Variants in ZNF705G observed in about 807,000 individuals in gnomAD.
The protein encoded by ZNF705G is zinc finger protein 705G.
A neutral mutation model predicts 19.6 loss-of-function variants in ZNF705G; 23 were observed. The observed-to-expected ratio is 1.17, with a 90% confidence interval of 0.84 to 1.66. ZNF705G has a LOEUF of 1.66. Among genes scored for constraint, ZNF705G ranks in the 40% most tolerant of loss-of-function variants. ZNF705G has a pLI of 0.00. For synonymous variants in ZNF705G, 146 were observed against 117.7 expected, an observed-to-expected ratio of 1.24 and a Z score of -1.56; for missense variants, 457 against 354.4, an observed-to-expected ratio of 1.29 and a Z score of -2.32.
intron 2 of ZNF705G, among the ~76,000 whole-genome samples, chr8:7,367,977 T>C (rs551822227): frequency 6.7e-6 from 1 of 149,738 alleles, no homozygotes; most frequent in South Asian, 2.1e-4. Flanking sequence ...AGTGAACTTA[T>C]CTACCTTCCA....
intron 2 of ZNF705G, among the ~76,000 whole-genome samples, chr8:7,370,044 A>ATTT (rs61572231): frequency 6.8e-6 from 1 of 146,612 alleles, no homozygotes; most frequent in Non-Finnish European, 1.5e-5. Context: ...TAAAAGTTGA[A>ATTT]TTTTTTTTTA....
At chr8:7,382,247 C>G (rs1445594284) in intron 1 of ZNF705G, among the ~76,000 whole-genome samples, 1 of 149,372 alleles carries the variant, frequency 6.7e-6, no homozygotes, top group African/African-American at 2.6e-5. Context: ...ATTCCTGATT[C>G]AAATGTTCAA....
rs1289595630 is a variant in ZNF705G at position 7,357,756 on chromosome 8, A to C, written c.*220T>G. 3 of 797,976 alleles carry C rather than the reference A, an allele frequency of 3.8e-6. No homozygotes were observed. Among genetic ancestry groups the C allele is most frequent in the Non-Finnish European group, 5.7e-6 (3 of 528,482 alleles). 49.4% of individuals were successfully genotyped at this position (797,976 alleles called of 1,614,324 possible). On this transcript the variant is annotated 3_prime_UTR_variant, in exon 7 of 7. Transcript: ENST00000400156. Reference sequence around the variant, plus strand: ...TTCTTCAAAATGTGAGTCCTTTGGCATGTTTAGATGCTACAACTACAGCTG... The same window carrying C: ...TTCTTCAAAATGTGAGTCCTTTGGCCTGTTTAGATGCTACAACTACAGCTG...
chr8:7,383,137 T>A (rs1177541414), intron 1 of ZNF705G, among the ~76,000 whole-genome samples: 1 of 150,138 alleles, frequency 6.7e-6, no homozygotes, highest in Admixed American at 6.6e-5. Context: ...TTTTTTTTTT[T>A]TTTTTTTTTG....
intron 4 of ZNF705G, 60 bp downstream of exon 4, chr8:7,361,050 C>T (rs569626405): frequency 1.3e-5 from 21 of 1,592,132 alleles, no homozygotes; most frequent in Admixed American, 1.7e-5. Context: ...TGTTTTAACA[C>T]TTATTGAATG....
At chr8:7,364,681 TG>T (rs1267736992) in intron 2 of ZNF705G, among the ~76,000 whole-genome samples, 1 of 149,718 alleles carries the variant, frequency 6.7e-6, no homozygotes, top group Non-Finnish European at 1.5e-5. Context: ...CTATTTTTAC[TG>T]CCACATTTAA....
rs183772362 is a variant in ZNF705G at position 7,385,494 on chromosome 8, C to T, written c.-222+4G>A. 0.015 allele frequency: 2,246 copies of T among 149,094 alleles called. 30 individuals are homozygous for T. Among genetic ancestry groups the T allele is most frequent in the Non-Finnish European group, 0.025 (1,714 of 67,890 alleles). The allele number at this position is 149,094 out of a possible 1,614,324, so 9.2% of individuals were successfully genotyped here. A position where few individuals can be genotyped will look rare whatever the true frequency, so the allele number is the denominator to read the frequency against. On this transcript the variant is annotated splice_donor_region_variant and intron_variant, in intron 1 of 6. Transcript: ENST00000400156. ...AAAACCAGTTGGCCCTACTGGAAAC[C>T]CACCTTGCAGTTGGTTCCTCCACCC...
intron 3 of ZNF705G, 120 bp from the exon 4 acceptor site, chr8:7,361,356 A>G: frequency 6.4e-7 from 1 of 1,551,126 alleles, no homozygotes; most frequent in Non-Finnish European, 8.7e-7. Flanking sequence ...TTTGGGTTCC[A>G]GCCAGTTCAT....
intron 2 of ZNF705G, among the ~76,000 whole-genome samples, chr8:7,365,612 C>T (rs564869740): frequency 6.7e-6 from 1 of 149,246 alleles, no homozygotes; most frequent in Non-Finnish European, 1.5e-5. Context: ...TCAGGTGATC[C>T]GCCAGCCTCC....
chr8:7,384,856 A>C (rs1171286577), intron 1 of ZNF705G, among the ~76,000 whole-genome samples: 1 of 146,252 alleles, frequency 6.8e-6, no homozygotes, highest in Non-Finnish European at 1.5e-5. Flanking sequence ...ATCACGTACC[A>C]TGAGTCTTGA....
At chr8:7,367,433 G>C (rs1253332765) in intron 2 of ZNF705G, among the ~76,000 whole-genome samples, 1 of 149,476 alleles carries the variant, frequency 6.7e-6, no homozygotes, top group Non-Finnish European at 1.5e-5. Flanking sequence ...TGCATGTTAA[G>C]AGACAAAAAT....
At chr8:7,384,093 G>A (rs1224837033) in intron 1 of ZNF705G, among the ~76,000 whole-genome samples, 2 of 94,234 alleles carry the variant, frequency 2.1e-5, no homozygotes, top group Non-Finnish European at 4.1e-5. Flanking sequence ...GTAAGCTGTG[G>A]TCTTTGCAAA....
intron 2 of ZNF705G, among the ~76,000 whole-genome samples, chr8:7,367,714 G>A (rs1351027291): frequency 1.3e-5 from 2 of 149,578 alleles, no homozygotes; most frequent in Non-Finnish European, 2.9e-5. Context: ...TCTCCTTCCT[G>A]TTCTAAAGCC....
chr8:7,362,247 G>A (rs1274241217), intron 3 of ZNF705G, among the ~76,000 whole-genome samples: 2 of 149,550 alleles, frequency 1.3e-5, no homozygotes, highest in African/African-American at 2.6e-5. Context: ...TTTCTTATAT[G>A]TTACTTTTAC....
At chr8:7,359,380 C>A (rs538357037) in intron 6 of ZNF705G, among the ~76,000 whole-genome samples, 3 of 149,880 alleles carry the variant, frequency 2.0e-5, no homozygotes, top group South Asian at 4.2e-4. Context: ...ATATCAATAT[C>A]TTTCGATGAC....
chr8:7,361,570 C>T (rs1195200107), intron 3 of ZNF705G, among the ~76,000 whole-genome samples: 2 of 149,500 alleles, frequency 1.3e-5, no homozygotes, highest in Admixed American at 6.6e-5. Flanking sequence ...TGAAATTTAC[C>T]ATGAATTTCA....
intron 3 of ZNF705G, among the ~76,000 whole-genome samples, chr8:7,362,134 T>A (rs1386194537): frequency 6.7e-6 from 1 of 149,640 alleles, no homozygotes; most frequent in East Asian, 1.9e-4. Flanking sequence ...TTCATTGTTT[T>A]TTTTCTAACC....
Position 7,365,349 on chromosome 8 carries a change from G to A in ZNF705G, c.-71-2332C>T, listed in dbSNP as rs184577019. On this transcript the variant is annotated intron_variant, in intron 2 of 6. Transcript: ENST00000400156. ...TCAAGATGAGAGCCTGCACAGCTTA[G>A]TATCTCCCTCCAGATGTCTCTCTCT... 7.8e-4 allele frequency among the ~76,000 whole-genome samples: 115 copies of A among 146,598 alleles called. 9 individuals carry two copies. In the South Asian group the frequency reaches 0.012, roughly 16 times the overall value.
At chr8:7,380,401 C>T (rs1401513555) in intron 2 of ZNF705G, among the ~76,000 whole-genome samples, 2 of 147,568 alleles carry the variant, frequency 1.4e-5, no homozygotes, top group Admixed American at 6.6e-5. Flanking sequence ...ATGAGCCCAC[C>T]CAGCCTGGTG....
Sources: allele counts gnomAD v4.1 joint callset (sites outside exome capture counted in the v4.1 genomes callset), GRCh38; gene constraint gnomAD v4.1.1; transcripts MANE v1.5; gene names NCBI Gene and HGNC (gene_info 2026-07-23, HGNC 2026-07-21).